The following DNAH3 variants were observed in gnomAD, a reference collection of about 807,000 sequenced individuals.
The protein encoded by DNAH3 is axonemal beta dynein heavy chain 3.
Under a neutral mutation model 432.5 loss-of-function variants are expected in DNAH3, and 332 were observed. The ratio of observed to expected loss-of-function variants is 0.77; its 90% CI spans 0.70 to 0.84. DNAH3 has a LOEUF of 0.84. Ranked by LOEUF, DNAH3 falls within the 40% of genes least tolerant of loss-of-function variation. DNAH3 has a pLI of 0.00. For missense variants in DNAH3, 4,861 were observed against 5,114.0 expected, an observed-to-expected ratio of 0.95 and a Z score of 1.51; for synonymous variants, 1,956 against 1,900.2, an observed-to-expected ratio of 1.03 and a Z score of -0.76.
chr16:20,965,255 C>T, exon 53 of DNAH3: 1 of 1,613,084 alleles, frequency 6.2e-7, no homozygotes, highest in Middle Eastern at 1.7e-4. Context: ...GCCGACGATA[C>T]ATTTTTAATG....
At position 20,933,435 on chromosome 16, in the gene DNAH3, C is replaced by T. The variant is rs1567481065; in HGVS notation, c.12070G>A (p.Gly4024Ser). 3.7e-6 allele frequency: 6 copies of T among 1,613,902 alleles called. No individual in the cohort carries two copies. The African/African-American group carries it at 8.0e-5, about 22-fold the overall frequency. The change falls in exon 62 of 62, where the codon GGT becomes AGT. Residue 4024 changes from glycine (G) to serine (S), a missense_variant. By Grantham distance (56) the Gly-to-Ser change is moderately conservative (BLOSUM62 0). Coordinates refer to ENST00000261383, the Ensembl canonical transcript of DNAH3. ...ATCGTTTTCCTGTCCCAACGGGCACCTTCTAAGAAGAGCCCTTTGATGTAG... is the reference window on the plus strand; with the variant it reads ...ATCGTTTTCCTGTCCCAACGGGCACTTTCTAAGAAGAGCCCTTTGATGTAG...
intron 57 of DNAH3, among the ~76,000 whole-genome samples, chr16:20,946,819 CTTTTTTTTTT>C (rs71149199): frequency 4.2e-5 from 3 of 70,904 alleles, no homozygotes; most frequent in Admixed American, 4.0e-4. Flanking sequence ...ATTGTGAGTC[CTTTTTTTTTT>C]TTTTTTTTTT....
exon 50 of DNAH3, chr16:20,979,361 C>A: frequency 6.2e-7 from 1 of 1,614,078 alleles, no homozygotes; most frequent in Non-Finnish European, 8.5e-7. Flanking sequence ...TTTCTGCAAG[C>A]CTGTCAGGTA....
intron 38 of DNAH3, 147 bp from the exon 39 acceptor site, chr16:21,024,848 T>C (rs891390938): frequency 8.9e-6 from 6 of 671,446 alleles, no homozygotes; most frequent in Non-Finnish European, 1.6e-5. Flanking sequence ...TTTACCCACG[T>C]TGAATCTTGT....
At chr16:21,119,457 C>A (rs901559477) in intron 11 of DNAH3, among the ~76,000 whole-genome samples, 2 of 151,944 alleles carry the variant, frequency 1.3e-5, no homozygotes, top group African/African-American at 4.8e-5. Context: ...CGTGGCGGAA[C>A]CCTGTCTCTA....
intron 16 of DNAH3, among the ~76,000 whole-genome samples, chr16:21,102,736 A>G (rs2091864912): frequency 6.6e-6 from 1 of 152,222 alleles, no homozygotes; most frequent in Admixed American, 6.5e-5. Context: ...AAGCAAATAA[A>G]GAAATTGCTG....
chr16:21,032,408 C>T (rs1471070787), intron 36 of DNAH3, among the ~76,000 whole-genome samples: 1 of 152,014 alleles, frequency 6.6e-6, no homozygotes, highest in Non-Finnish European at 1.5e-5. Flanking sequence ...AACGTACAGG[C>T]TGATGGATGG....
chr16:21,091,372 A>G (rs955004565), intron 18 of DNAH3, among the ~76,000 whole-genome samples: 2 of 127,634 alleles, frequency 1.6e-5, no homozygotes, highest in Admixed American at 7.7e-5. Flanking sequence ...TAAAAATTGG[A>G]AAAAAAAAAG....
chr16:20,997,611 G>C, intron 43 of DNAH3, 149 bp from the exon 44 acceptor site: 1 of 859,072 alleles, frequency 1.2e-6, no homozygotes, highest in South Asian at 1.8e-5. Flanking sequence ...TGGATGCCCT[G>C]ACCAGATTGG....
chr16:20,944,801 AC>A, intron 57 of DNAH3, 138 bp from the exon 58 acceptor site: 1 of 789,990 alleles, frequency 1.3e-6, no homozygotes. Context: ...ACACACACAC[AC>A]GCTGGGAGAA....
chr16:20,984,963 T>C (rs533933297), intron 48 of DNAH3, 86 bp downstream of exon 48: 20 of 1,143,632 alleles, frequency 1.7e-5, no homozygotes, highest in East Asian at 1.7e-4. Context: ...CCTGGGACCA[T>C]TGTAAGGGAT....
At chr16:21,046,626 T>C (rs975727462) in intron 31 of DNAH3, among the ~76,000 whole-genome samples, 4 of 152,332 alleles carry the variant, frequency 2.6e-5, no homozygotes, top group African/African-American at 9.6e-5. Flanking sequence ...TGACTCTTTA[T>C]CCAATTTTCC....
chr16:21,121,197 T>C (rs778984763), intron 10 of DNAH3: 1 of 395,128 alleles, frequency 2.5e-6, no homozygotes. Context: ...CCTTTGGTCA[T>C]ACCAACCAAT....
intron 59 of DNAH3, among the ~76,000 whole-genome samples, chr16:20,940,730 C>A (rs1433224075): frequency 6.6e-6 from 1 of 152,028 alleles, no homozygotes; most frequent in East Asian, 1.9e-4. Flanking sequence ...CTGTGCCCAG[C>A]CCTATTACAG....
At chr16:21,086,877 G>C in exon 19 of DNAH3, 1 of 1,614,132 alleles carries the variant, frequency 6.2e-7, no homozygotes, top group Non-Finnish European at 8.5e-7. Flanking sequence ...TTTCATTCCT[G>C]GGTTGCAGGA....
At chr16:20,939,455 T>G (rs1329628049) in intron 59 of DNAH3, among the ~76,000 whole-genome samples, 1 of 151,828 alleles carries the variant, frequency 6.6e-6, no homozygotes, top group Non-Finnish European at 1.5e-5. Flanking sequence ...CTACTAAAAG[T>G]ACAGAAATTA....
At position 21,051,114 on chromosome 16, in the gene DNAH3, G is replaced by C. The variant is rs189005011; in HGVS notation, c.4238+556C>G. ...TTTTGAAGGGAGAAAATACTCCCAA[G>C]TATTAGTTTTACAATCTAAAAAACT... On this transcript the variant is annotated intron_variant, in intron 29 of 61. Transcript: ENST00000261383. 7.6e-4 allele frequency among the ~76,000 whole-genome samples: 116 copies of C among 152,312 alleles called. No individual in the cohort carries two copies. In the Middle Eastern group the frequency reaches 0.01, roughly 13 times the overall value.
intron 18 of DNAH3, 43 bp from the exon 19 acceptor site, chr16:21,087,103 T>G (rs763054356): frequency 1.3e-5 from 19 of 1,502,390 alleles, no homozygotes; most frequent in African/African-American, 4.1e-5. Flanking sequence ...ATCATGTGGA[T>G]GTTAGTCATG....
chr16:21,159,227 G>A (rs1597515855), intron 1 of DNAH3: 1 of 1,085,042 alleles, frequency 9.2e-7, no homozygotes, highest in South Asian at 1.2e-5. Flanking sequence ...ATCAAAGGGG[G>A]CTTCTTTACC....
Sources: gnomAD v4.1 joint callset for allele counts (sites outside exome capture counted in the v4.1 genomes callset) on GRCh38, gnomAD v4.1.1 for gene constraint, MANE v1.5 for transcripts, NCBI Gene and HGNC (gene_info 2026-07-23, HGNC 2026-07-21) for gene names.